Variants in FGF13 observed in about 807,000 individuals in gnomAD.
FGF13 encodes the protein fibroblast growth factor 13, also known as fibroblast growth factor homologous factor 2.
A neutral mutation model predicts 19.5 loss-of-function variants in FGF13; 2 were observed. That is an observed-to-expected ratio of 0.10 (90% CI 0.04 to 0.32). The LOEUF is 0.32. Ranked by LOEUF, FGF13 falls within the 10% of genes least tolerant of loss-of-function variation. The probability of loss-of-function intolerance (pLI) is 1.00; values close to 1 mark genes in which losing one functional copy is unlikely to be tolerated. For synonymous variants in FGF13, 72 were observed against 76.9 expected (o/e 0.94, Z 0.33); for missense variants, 113 against 192.7 (o/e 0.59, Z 2.45).
At chrX:139,074,830 T>C (rs1157887155) in intron 1 of FGF13, among the ~76,000 whole-genome samples, 1 of 112,282 alleles carries the variant, frequency 8.9e-6, no homozygotes, top group Non-Finnish European at 1.9e-5. Flanking sequence ...CATACTGTAT[T>C]CTCTTGTTAT....
intron 1 of FGF13, among the ~76,000 whole-genome samples, chrX:138,891,997 T>C (rs780466404): frequency 0.014 from 800 of 55,416 alleles, 11 homozygotes; most frequent in African/African-American, 0.046. Flanking sequence ...TCTCTATATA[T>C]ACATATGTGT....
intron 1 of FGF13, among the ~76,000 whole-genome samples, chrX:138,995,923 GGA>G (rs779071209): frequency 5.8e-4 from 65 of 111,791 alleles, no homozygotes; most frequent in Non-Finnish European, 1.1e-3. Flanking sequence ...ACACTTGGAG[GGA>G]GTATTTAAAC....
At chrX:139,014,806 C>A (rs1209108661) in intron 1 of FGF13, among the ~76,000 whole-genome samples, 1 of 111,105 alleles carries the variant, frequency 9.0e-6, no homozygotes, top group Non-Finnish European at 1.9e-5. Flanking sequence ...AATATTGATG[C>A]AAAAATCCTC....
intron 3 of FGF13, among the ~76,000 whole-genome samples, chrX:138,759,978 T>C (rs2090455621): frequency 9.0e-6 from 1 of 111,682 alleles, no homozygotes; most frequent in Non-Finnish European, 1.9e-5. Context: ...ACCCTTGCTA[T>C]ATGCCTGGAA....
chrX:138,960,615 G>A (rs955086397), intron 1 of FGF13, among the ~76,000 whole-genome samples: 3 of 111,767 alleles, frequency 2.7e-5, no homozygotes, highest in East Asian at 5.6e-4. Flanking sequence ...TTCCAACTTC[G>A]TTCCATTCTC....
intron 1 of FGF13, among the ~76,000 whole-genome samples, chrX:139,191,252 A>G (rs992731385): frequency 8.0e-5 from 9 of 112,311 alleles, no homozygotes; most frequent in African/African-American, 2.9e-4. Flanking sequence ...CCTCTGCACT[A>G]AAAATCAATA....
intron 1 of FGF13, among the ~76,000 whole-genome samples, chrX:139,063,093 G>C (rs1421466698): frequency 8.9e-6 from 1 of 111,982 alleles, no homozygotes. Context: ...CAGGGAAGAA[G>C]GAGGTAACAA....
rs1176259225 is a variant in FGF13 at position 138,646,519 on chromosome X, G to A, written c.403-10864C>T. 7.2e-5 allele frequency among the ~76,000 whole-genome samples: 8 copies of A among 111,593 alleles called. No individual in the cohort carries two copies. The Admixed American group carries it at 7.6e-4, about 11-fold the overall frequency. ...AGCCAGGCAGCCTATCCCCTAGGCC[G>A]CTTCTTTTTCCATTACAACGGGCAG... On this transcript the variant is annotated intron_variant, in intron 3 of 4. Transcript: ENST00000315930.
chrX:138,840,997 A>C (rs1006317606), intron 3 of FGF13, among the ~76,000 whole-genome samples: 2 of 111,298 alleles, frequency 1.8e-5, no homozygotes, highest in African/African-American at 6.5e-5. Flanking sequence ...CTTACCTCCT[A>C]ATCCATATGG....
intron 3 of FGF13, among the ~76,000 whole-genome samples, chrX:138,846,146 C>T (rs750726381): frequency 9.2e-6 from 1 of 108,576 alleles, no homozygotes; most frequent in African/African-American, 3.3e-5. Context: ...AGTGTTTTTT[C>T]CCCCAAATAA....
chrX:139,137,222 T>G (rs1051969156), intron 1 of FGF13, among the ~76,000 whole-genome samples: 5 of 112,128 alleles, frequency 4.5e-5, no homozygotes, highest in African/African-American at 1.6e-4. Context: ...CTGCCTAATC[T>G]AGATCTCACG....
chrX:139,138,189 AT>A (rs1264032076), intron 1 of FGF13, among the ~76,000 whole-genome samples: 1 of 112,132 alleles, frequency 8.9e-6, no homozygotes, highest in Non-Finnish European at 1.9e-5. Context: ...AGATATTCTT[AT>A]TATCCCCAAA....
chrX:138,861,885 C>A (rs1403826976), intron 2 of FGF13, among the ~76,000 whole-genome samples: 1 of 111,427 alleles, frequency 9.0e-6, no homozygotes, highest in East Asian at 2.8e-4. Context: ...CGCCTGTAAT[C>A]CCAGCTACTC....
intron 1 of FGF13, among the ~76,000 whole-genome samples, chrX:138,958,123 T>C (rs2091850129): frequency 8.9e-6 from 1 of 111,996 alleles, no homozygotes; most frequent in African/African-American, 3.2e-5. Flanking sequence ...AGGGAATGCT[T>C]CCAGTTTTTG....
chrX:139,117,999 G>A (rs1414917248), intron 1 of FGF13, among the ~76,000 whole-genome samples: 1 of 112,048 alleles, frequency 8.9e-6, no homozygotes, highest in African/African-American at 3.3e-5. Context: ...TCCAAGGCTG[G>A]TAGGGGATGG....
At chrX:138,838,166 T>C (rs1424411840) in intron 3 of FGF13, among the ~76,000 whole-genome samples, 1 of 111,832 alleles carries the variant, frequency 8.9e-6, no homozygotes, top group African/African-American at 3.3e-5. Context: ...CTGGCTGGAA[T>C]TCTAAACCAG....
chrX:139,164,546 C>A (rs1451069445), intron 1 of FGF13, among the ~76,000 whole-genome samples: 1 of 109,562 alleles, frequency 9.1e-6, no homozygotes, highest in South Asian at 4.0e-4. Flanking sequence ...CAAATTTTGC[C>A]GGGCGTCATG....
intron 1 of FGF13, among the ~76,000 whole-genome samples, chrX:139,162,669 T>C (rs1284748753): frequency 8.9e-6 from 1 of 111,951 alleles, no homozygotes; most frequent in East Asian, 2.8e-4. Flanking sequence ...ATCCAGAATC[T>C]ACAAGGAACT....
chrX:138,711,449 G>A lies in FGF13; in HGVS notation c.-446C>T, dbSNP rs1602733167. The A allele has an allele frequency of 1.4e-6, 1 of 699,117 alleles. No homozygotes were observed. The highest frequency in any genetic ancestry group is 1.7e-6 in the Non-Finnish European group (1 of 587,064). The allele number at this position is 699,117 out of a possible 1,213,427, so 57.6% of individuals were successfully genotyped here. On this transcript the variant is annotated 5_prime_UTR_variant, in exon 1 of 5. Transcript: ENST00000315930. The stretch of plus-strand genomic sequence containing the variant: ...GCGGGCGGAGGGAGTGAGCGCGGGC[G>A]GGAGAGAGGCCGGGAGCTCGGGCGG...
Sources: allele counts gnomAD v4.1 joint callset (sites outside exome capture counted in the v4.1 genomes callset), GRCh38; gene constraint gnomAD v4.1.1; transcripts MANE v1.5; gene names NCBI Gene and HGNC (gene_info 2026-07-23, HGNC 2026-07-21).